The following CRACDL variants were observed in gnomAD, a reference collection of about 807,000 sequenced individuals.
CRACDL encodes the protein CRACD-like protein.
A neutral mutation model predicts 70.6 loss-of-function variants in CRACDL; 26 were observed. That is an observed-to-expected ratio of 0.37 (90% CI 0.27 to 0.51). The LOEUF is 0.51. Among genes scored for constraint, CRACDL ranks in the 20% least tolerant of loss-of-function variants. CRACDL has a pLI of 0.94. For synonymous variants in CRACDL, 618 were observed against 615.2 expected (o/e 1.00, Z -0.07); for missense variants, 1,283 against 1,376.9 (o/e 0.93, Z 1.08).
chr2:98,811,494 G>A (rs1216026086), intron 7 of CRACDL, among the ~76,000 whole-genome samples: 1 of 137,546 alleles, frequency 7.3e-6, no homozygotes, highest in Non-Finnish European at 1.5e-5. Context: ...CTCCAGCCTG[G>A]TGACAGAGCG....
rs896844108 is a variant in CRACDL at position 98,935,998 on chromosome 2, G to C, written c.-71C>G. 3.3e-5 allele frequency: 5 copies of C among 152,136 alleles called. No homozygotes were observed. The highest frequency in any genetic ancestry group is 1.2e-4 in the African/African-American group (5 of 41,454). 9.4% of individuals were successfully genotyped at this position (152,136 alleles called of 1,614,324 possible). A position where few individuals can be genotyped will look rare whatever the true frequency, so the allele number is the denominator to read the frequency against. On this transcript the variant is annotated 5_prime_UTR_variant, in exon 1 of 10. Coordinates refer to ENST00000397899, the MANE Select transcript of CRACDL (RefSeq NM_207362.3). ...CGCAGAGAAGGGCACCTTCCGCGGGGTGCGGCGAGCCGGGGCTGCTCCCGC... is the reference window on the plus strand; with the variant it reads ...CGCAGAGAAGGGCACCTTCCGCGGGCTGCGGCGAGCCGGGGCTGCTCCCGC...
At position 98,889,331 on chromosome 2, in the gene CRACDL, GAAAGAAAGA is replaced by G. The variant is rs1405030751; in HGVS notation, c.-10-42530_-10-42522del. 5.5e-3 allele frequency among the ~76,000 whole-genome samples: 573 copies of G among 104,268 alleles called. 4 individuals carry two copies. Among genetic ancestry groups the G allele is most frequent in the Admixed American group, 7.3e-3 (78 of 10,708 alleles). The allele number at this position is 104,268 out of a possible 152,430, so 68.4% of individuals were successfully genotyped here. A position where few individuals can be genotyped will look rare whatever the true frequency, so the allele number is the denominator to read the frequency against. ...AGAAAGAAAGAAAGAAAGAAAGAAA[GAAAGAAAGA>G]AAGGAAACAGTAACCAAAACAGAGC... is the stretch of plus-strand genomic sequence containing the variant. On this transcript the variant is annotated intron_variant, in intron 1 of 9. Coordinates refer to ENST00000397899, the MANE Select transcript of CRACDL (RefSeq NM_207362.3).
At chr2:98,863,420 T>G (rs1707012901) in intron 1 of CRACDL, among the ~76,000 whole-genome samples, 1 of 152,054 alleles carries the variant, frequency 6.6e-6, no homozygotes, top group South Asian at 2.1e-4. Context: ...CAGGTTGAAA[T>G]GAAAGGACAC....
At chr2:98,829,003 A>G (rs1410131772) in intron 5 of CRACDL, among the ~76,000 whole-genome samples, 1 of 152,238 alleles carries the variant, frequency 6.6e-6, no homozygotes, top group African/African-American at 2.4e-5. Context: ...ACCCTTGTCT[A>G]GAGGAACAAT....
intron 1 of CRACDL, among the ~76,000 whole-genome samples, chr2:98,907,642 C>T (rs1708447021): frequency 6.6e-6 from 1 of 152,236 alleles, no homozygotes; most frequent in Non-Finnish European, 1.5e-5. Context: ...CACTCCCAGA[C>T]AGAAAGCCAG....
chr2:98,813,330 G>A (rs1704649262), intron 7 of CRACDL, among the ~76,000 whole-genome samples: 1 of 152,208 alleles, frequency 6.6e-6, no homozygotes, highest in Admixed American at 6.5e-5. Flanking sequence ...TACTTGGGAG[G>A]CTGAGGCAGG....
intron 1 of CRACDL, among the ~76,000 whole-genome samples, chr2:98,860,798 G>C (rs1706906137): frequency 6.6e-6 from 1 of 152,170 alleles, no homozygotes; most frequent in Non-Finnish European, 1.5e-5. Flanking sequence ...TAATTCAAAG[G>C]ACTCTCAAGA....
intron 1 of CRACDL, among the ~76,000 whole-genome samples, chr2:98,909,310 C>T (rs1708488208): frequency 6.6e-6 from 1 of 152,188 alleles, no homozygotes; most frequent in Non-Finnish European, 1.5e-5. Flanking sequence ...CACAAAATTG[C>T]TTTCTTTATT....
intron 1 of CRACDL, among the ~76,000 whole-genome samples, chr2:98,868,164 G>A (rs1707217688): frequency 6.6e-6 from 1 of 152,190 alleles, no homozygotes; most frequent in South Asian, 2.1e-4. Flanking sequence ...GTCTTCACAA[G>A]GAATCCTTGA....
rs761755303 is a variant in CRACDL at position 98,794,670 on chromosome 2, A to C, written c.2751T>G (p.Ala917=). Residue 917 remains alanine, a splice_region_variant and synonymous_variant, in exon 10 of 10, where the codon GCT becomes GCG. Coordinates refer to ENST00000397899, the MANE Select transcript of CRACDL (RefSeq NM_207362.3). ...RGISLSHQNL[A]QSAVMMEKEL... is the part of the protein sequence containing the mutation. Reference sequence around the variant, plus strand: ...CCTTCTCCATCATCACTGCAGACTGAGCTGCTTGGAAGGGAGACAAAACCA... The same window carrying C: ...CCTTCTCCATCATCACTGCAGACTGCGCTGCTTGGAAGGGAGACAAAACCA... 1 of 1,609,100 alleles carries C rather than the reference A, an allele frequency of 6.2e-7. No individual in the cohort carries two copies. The highest frequency in any genetic ancestry group is 1.1e-5 in the South Asian group (1 of 90,516).
At chr2:98,801,609 G>A (rs1023686494) in intron 7 of CRACDL, among the ~76,000 whole-genome samples, 2 of 152,204 alleles carry the variant, frequency 1.3e-5, no homozygotes, top group African/African-American at 4.8e-5. Flanking sequence ...GTGTGGTTGT[G>A]AAGTGAAATA....
At chr2:98,836,848 C>T (rs1025612172) in intron 3 of CRACDL, among the ~76,000 whole-genome samples, 58 of 151,966 alleles carry the variant, frequency 3.8e-4, no homozygotes, top group African/African-American at 1.4e-3. Context: ...TTTGGGAGGC[C>T]GAGGCGGGCG....
intron 1 of CRACDL, among the ~76,000 whole-genome samples, chr2:98,904,084 A>G (rs1382085779): frequency 6.6e-6 from 1 of 152,226 alleles, no homozygotes; most frequent in African/African-American, 2.4e-5. Context: ...TCAGCCTCAA[A>G]TGCTGTGAGG....
intron 1 of CRACDL, among the ~76,000 whole-genome samples, chr2:98,874,342 A>C (rs768675696): frequency 7.2e-5 from 11 of 152,336 alleles, no homozygotes; most frequent in Non-Finnish European, 1.2e-4. Flanking sequence ...GCTGCAGCTC[A>C]TGTTGCCCCC....
At chr2:98,910,671 C>T (rs1039328183) in intron 1 of CRACDL, among the ~76,000 whole-genome samples, 6 of 152,198 alleles carry the variant, frequency 3.9e-5, no homozygotes, top group African/African-American at 1.2e-4. Flanking sequence ...GCCTCAAAGC[C>T]GAGAGAGTGG....
chr2:98,822,263 G>A lies in CRACDL; in HGVS notation c.2010C>T (p.Ala670=), dbSNP rs761774269. The part of the protein sequence containing the change: ...APGTREPCPA[A]QEPAPSEDRN... ...TGTCCTCACTCGGGGCCGGCTCCTG[G>A]GCGGCTGGGCAGGGCTCTCTCGTGC... is the stretch of plus-strand genomic sequence containing the variant. Residue 670 remains alanine, a synonymous_variant, in exon 7 of 10, where the codon GCC becomes GCT. Coordinates refer to ENST00000397899, the MANE Select transcript of CRACDL (RefSeq NM_207362.3). This position sits in a 1 kb window ranked among gnomAD's most constrained non-coding sequence, Gnocchi z 4.9. 5.7e-6 allele frequency: 9 copies of A among 1,592,296 alleles called. No homozygotes were observed. The highest frequency in any genetic ancestry group is 1.1e-5 in the South Asian group (1 of 89,872).
chr2:98,878,892 T>C lies in CRACDL; in HGVS notation c.-10-32082A>G, dbSNP rs560235839. Among the ~76,000 whole-genome samples, 233 of 152,332 alleles carry C rather than the reference T, an allele frequency of 1.5e-3. 2 individuals are homozygous for C. The highest frequency in any genetic ancestry group is 5.5e-3 in the African/African-American group (229 of 41,572). On this transcript the variant is annotated intron_variant, in intron 1 of 9. Transcript: ENST00000397899. ...GAACCACTGTACGGTAGGGACCATCTGTATTGAAGATATATTTTCAAAATC... is the reference window on the plus strand; with the variant it reads ...GAACCACTGTACGGTAGGGACCATCCGTATTGAAGATATATTTTCAAAATC...
At chr2:98,834,846 A>C (rs17021968) in intron 3 of CRACDL, among the ~76,000 whole-genome samples, 9,594 of 152,288 alleles carry the variant, frequency 0.063, 437 homozygotes, top group South Asian at 0.2. Flanking sequence ...CTCCACATCC[A>C]AGATAGAATA....
At chr2:98,833,409 G>C (rs1014857275) in intron 3 of CRACDL, among the ~76,000 whole-genome samples, 23 of 152,240 alleles carry the variant, frequency 1.5e-4, no homozygotes, top group African/African-American at 5.1e-4. Context: ...TGGGCTGAAG[G>C]CTGTGTGTGC....
Sources: gnomAD v4.1 joint callset for allele counts (sites outside exome capture counted in the v4.1 genomes callset) on GRCh38, gnomAD v4.1.1 for gene constraint, Gnocchi (gnomAD v3.1) non-coding constraint, MANE v1.5 for transcripts, NCBI Gene and HGNC (gene_info 2026-07-23, HGNC 2026-07-21) for gene names.